GABRB2: variants seen among roughly 807,000 people sequenced by gnomAD.
GABRB2 encodes gamma-aminobutyric acid type A receptor subunit beta2.
A neutral mutation model predicts 54.7 loss-of-function variants in GABRB2; 16 were observed. The observed-to-expected ratio is 0.29, with a 90% CI of 0.20 to 0.44. GABRB2 has a LOEUF of 0.44. Among genes scored for constraint, GABRB2 ranks in the 20% least tolerant of loss-of-function variants. The pLI is 1.00. For synonymous variants in GABRB2, 244 were observed against 233.8 expected (o/e 1.04, Z -0.40); for missense variants, 355 against 644.0 (o/e 0.55, Z 4.86).
chr5:161,538,744 G>T (rs1363855552), intron 3 of GABRB2, among the ~76,000 whole-genome samples: 1 of 151,954 alleles, frequency 6.6e-6, no homozygotes, highest in African/African-American at 2.4e-5. Flanking sequence ...GAATTGCTTG[G>T]GTCCAAGAGG....
Position 161,452,001 on chromosome 5 carries a change from A to G in GABRB2, c.458+7623T>C, listed in dbSNP as rs76791907. Among the ~76,000 whole-genome samples the G allele has an allele frequency of 2.9e-3, 441 of 152,238 alleles. 6 individuals are homozygous for G. The East Asian group carries it at 0.04, about 14-fold the overall frequency. On this transcript the variant is annotated intron_variant, in intron 4 of 9. Transcript: ENST00000393959. ...TACTGTGTTTGTTGAAGAGTTTTCA[A>G]TGTGATTAAGTATGATGTAATATTA...
At chr5:161,334,472 T>G (rs984048972) in intron 7 of GABRB2, among the ~76,000 whole-genome samples, 27 of 152,228 alleles carry the variant, frequency 1.8e-4, no homozygotes, top group Non-Finnish European at 1.6e-4. Context: ...CAAGCAATAC[T>G]ATATGAAATA....
rs76807854 is a variant in GABRB2 at position 161,342,138 on chromosome 5, C to T, written c.542-5369G>A. ...TAATCTGTTAATTTTGTCATCATAA[C>T]CAATTGGCAATCAATGAGAACTATG... On this transcript the variant is annotated intron_variant, in intron 5 of 9. Transcript: ENST00000393959. 3.1e-3 allele frequency among the ~76,000 whole-genome samples: 464 copies of T among 151,470 alleles called. 3 individuals carry two copies. The highest frequency in any genetic ancestry group is 5.0e-3 in the Non-Finnish European group (341 of 67,790).
intron 4 of GABRB2, among the ~76,000 whole-genome samples, chr5:161,415,862 C>T (rs1443058051): frequency 6.6e-6 from 1 of 152,150 alleles, no homozygotes; most frequent in East Asian, 1.9e-4. Context: ...ATCCACTTGC[C>T]CCAGCCTCCC....
intron 4 of GABRB2, among the ~76,000 whole-genome samples, chr5:161,427,287 G>T (rs754305828): frequency 6.6e-6 from 1 of 152,126 alleles, no homozygotes; most frequent in Non-Finnish European, 1.5e-5. Context: ...TTCTGCAATG[G>T]ACCAAACAGG....
At chr5:161,358,323 G>A (rs1304705170) in intron 5 of GABRB2, among the ~76,000 whole-genome samples, 1 of 152,008 alleles carries the variant, frequency 6.6e-6, no homozygotes, top group African/African-American at 2.4e-5. Context: ...TGGTAACCAA[G>A]ATGAACACAA....
intron 5 of GABRB2, among the ~76,000 whole-genome samples, chr5:161,365,510 G>A (rs150651708): frequency 1.3e-5 from 2 of 152,146 alleles, no homozygotes; most frequent in African/African-American, 2.4e-5. Flanking sequence ...TACAGATAAT[G>A]TATAGTGATT....
chr5:161,400,233 T>C (rs989234108), intron 5 of GABRB2, among the ~76,000 whole-genome samples: 7 of 152,200 alleles, frequency 4.6e-5, no homozygotes, highest in South Asian at 2.1e-4. Flanking sequence ...CTCTGGCTTA[T>C]GATGTTCACA....
At chr5:161,502,663 C>T (rs569254252) in intron 3 of GABRB2, among the ~76,000 whole-genome samples, 1 of 152,252 alleles carries the variant, frequency 6.6e-6, no homozygotes, top group Admixed American at 6.5e-5. Flanking sequence ...GTAAACACCA[C>T]GACTTCCTGC....
chr5:161,445,513 G>A (rs1016412434), intron 4 of GABRB2, among the ~76,000 whole-genome samples: 2 of 152,102 alleles, frequency 1.3e-5, no homozygotes, highest in African/African-American at 4.8e-5. Context: ...ATGATGGGAA[G>A]GGGGAGTTGG....
intron 3 of GABRB2, among the ~76,000 whole-genome samples, chr5:161,513,761 C>T (rs184081516): frequency 1.9e-4 from 29 of 151,922 alleles, no homozygotes; most frequent in South Asian, 1.9e-3. Context: ...TAAACCTGCA[C>T]GTGCACCTCC....
At chr5:161,505,637 T>A (rs1052034356) in intron 3 of GABRB2, among the ~76,000 whole-genome samples, 1 of 152,114 alleles carries the variant, frequency 6.6e-6, no homozygotes, top group Non-Finnish European at 1.5e-5. Context: ...CACTTTAAAA[T>A]TTAAAATCAG....
chr5:161,400,922 G>T (rs1445010261), intron 5 of GABRB2, among the ~76,000 whole-genome samples: 3 of 152,104 alleles, frequency 2.0e-5, no homozygotes, highest in Admixed American at 2.0e-4. Flanking sequence ...AATTCATATT[G>T]ATTTTTTTCA....
rs986128847 is a variant in GABRB2, at chr5:161,390,711, T to G, written c.541+20264A>C. On this transcript the variant is annotated intron_variant, in intron 5 of 9. Transcript: ENST00000393959. ...CAAAATTTTAAAAAATTTAAAAAAA[T>G]AGGTGAAATCTGAGAGCTAACACTT... is the stretch of plus-strand genomic sequence containing the variant. Among the ~76,000 whole-genome samples the G allele has an allele frequency of 2.0e-5, 3 of 152,224 alleles. No homozygotes were observed. The South Asian group carries it at 6.2e-4, about 32-fold the overall frequency.
chr5:161,382,314 CT>C (rs1755495249), intron 5 of GABRB2, among the ~76,000 whole-genome samples: 1 of 152,148 alleles, frequency 6.6e-6, no homozygotes, highest in Non-Finnish European at 1.5e-5. Flanking sequence ...TCATCAGAAA[CT>C]TTCCCAAAGT....
chr5:161,422,642 T>C (rs1451928179), intron 4 of GABRB2, among the ~76,000 whole-genome samples: 1 of 152,198 alleles, frequency 6.6e-6, no homozygotes, highest in Non-Finnish European at 1.5e-5. Context: ...ATGGTGAATA[T>C]GCATTTTTCC....
intron 5 of GABRB2, among the ~76,000 whole-genome samples, chr5:161,377,233 T>A (rs1260885591): frequency 6.6e-6 from 1 of 152,134 alleles, no homozygotes; most frequent in East Asian, 1.9e-4. Context: ...GTTTGCAGGC[T>A]GACACTCATG....
At chr5:161,462,138 T>G (rs567076860) in intron 3 of GABRB2, among the ~76,000 whole-genome samples, 1 of 152,286 alleles carries the variant, frequency 6.6e-6, no homozygotes, top group Admixed American at 6.5e-5. Context: ...CAAACTTCTA[T>G]CCTATCAAAA....
At chr5:161,351,550 A>G (rs1169376460) in intron 5 of GABRB2, among the ~76,000 whole-genome samples, 10 of 152,142 alleles carry the variant, frequency 6.6e-5, no homozygotes, top group Admixed American at 3.9e-4. Flanking sequence ...AAATCTATTC[A>G]AAATGGACTC....
Sources: allele counts gnomAD v4.1 joint callset (sites outside exome capture counted in the v4.1 genomes callset), GRCh38; gene constraint gnomAD v4.1.1; transcripts MANE v1.5; gene names NCBI Gene and HGNC (gene_info 2026-07-23, HGNC 2026-07-21).